SSBP3: variants seen among roughly 807,000 people sequenced by gnomAD.
SSBP3 encodes the protein single stranded DNA binding protein 3.
A neutral mutation model predicts 69.6 loss-of-function variants in SSBP3; 5 were observed. The ratio of observed to expected loss-of-function variants is 0.07; its 90% CI spans 0.04 to 0.15. The LOEUF is 0.15. SSBP3 is among the 10% of genes least tolerant of loss of function. The pLI is 1.00. For missense variants in SSBP3, 312 were observed against 534.0 expected, an observed-to-expected ratio of 0.58 and a Z score of 4.10; for synonymous variants, 196 against 193.4, an observed-to-expected ratio of 1.01 and a Z score of -0.11.
intron 4 of SSBP3, among the ~76,000 whole-genome samples, chr1:54,376,762 T>C (rs568539539): frequency 6.6e-6 from 1 of 152,318 alleles, no homozygotes; most frequent in South Asian, 2.1e-4. Flanking sequence ...AAGCAGTACT[T>C]ATTTACAAAC....
At position 54,401,846 on chromosome 1, in the gene SSBP3, A is replaced by T; in HGVS notation, c.276+15T>A. ...ACCCTATAATTATTGCTAGGATTAA[A>T]AATATGTTACTCACATAATCATGAA... On this transcript the variant is annotated intron_variant, in intron 4 of 17. Transcript: ENST00000610401. 6.2e-7 allele frequency: 1 copy of T among 1,607,498 alleles called. No individual in the cohort carries two copies. The highest frequency in any genetic ancestry group is 8.5e-7 in the Non-Finnish European group (1 of 1,174,282).
intron 14 of SSBP3, among the ~76,000 whole-genome samples, chr1:54,234,131 A>G (rs1644442947): frequency 1.3e-5 from 2 of 151,376 alleles, no homozygotes; most frequent in Middle Eastern, 3.4e-3. Flanking sequence ...GCTTTGTTAA[A>G]CAGATGCTTG....
upstream of SSBP3, among the ~76,000 whole-genome samples, chr1:54,408,622 A>G (rs990627089): frequency 2.9e-4 from 44 of 152,260 alleles, no homozygotes; most frequent in Non-Finnish European, 4.1e-4. Flanking sequence ...CAACACAAGC[A>G]TATCTATTTG....
intron 4 of SSBP3, among the ~76,000 whole-genome samples, chr1:54,374,948 G>A (rs575010376): frequency 6.6e-6 from 1 of 152,338 alleles, no homozygotes; most frequent in East Asian, 1.9e-4. Context: ...GGGGACGAGA[G>A]CATCCCGTGG....
intron 4 of SSBP3, among the ~76,000 whole-genome samples, chr1:54,342,285 ACTT>A (rs1034678447): frequency 3.4e-4 from 52 of 152,222 alleles, no homozygotes; most frequent in African/African-American, 1.2e-3. Context: ...CACTTGTTTC[ACTT>A]CTTATTTTTA....
intron 5 of SSBP3, among the ~76,000 whole-genome samples, chr1:54,262,168 C>A (rs548642125): frequency 3.9e-5 from 6 of 152,160 alleles, no homozygotes; most frequent in Non-Finnish European, 7.4e-5. Context: ...GTGAGAGTAA[C>A]AATAACAGGG....
At chr1:54,333,192 G>A (rs2100466962) in intron 4 of SSBP3, among the ~76,000 whole-genome samples, 1 of 152,290 alleles carries the variant, frequency 6.6e-6, no homozygotes, top group South Asian at 2.1e-4. Context: ...GGGTGTGCCT[G>A]GAGACCTTGC....
intron 4 of SSBP3, among the ~76,000 whole-genome samples, chr1:54,361,812 A>G (rs1275156320): frequency 6.6e-6 from 1 of 152,146 alleles, no homozygotes; most frequent in Non-Finnish European, 1.5e-5. Context: ...CCACGATGAT[A>G]CTACTGGTCA....
intron 5 of SSBP3, among the ~76,000 whole-genome samples, chr1:54,270,306 G>A (rs1378029277): frequency 6.6e-6 from 1 of 152,150 alleles, no homozygotes; most frequent in Non-Finnish European, 1.5e-5. Context: ...AAGCCCGGGA[G>A]GAAAAGAATC....
At chr1:54,300,094 G>A (rs914038559) in intron 4 of SSBP3, among the ~76,000 whole-genome samples, 1 of 152,192 alleles carries the variant, frequency 6.6e-6, no homozygotes, top group Admixed American at 6.5e-5. Context: ...GAAAATGGAA[G>A]GCCGAGAGAG....
At chr1:54,333,633 C>T (rs929340267) in intron 4 of SSBP3, among the ~76,000 whole-genome samples, 1 of 152,212 alleles carries the variant, frequency 6.6e-6, no homozygotes, top group Non-Finnish European at 1.5e-5. Context: ...AGCTCTGCCA[C>T]GTATAAGCTG....
At chr1:54,377,075 C>T (rs1406193632) in intron 4 of SSBP3, among the ~76,000 whole-genome samples, 1 of 152,216 alleles carries the variant, frequency 6.6e-6, no homozygotes, top group African/African-American at 2.4e-5. Flanking sequence ...CAGTCAAGGG[C>T]ATTTAAAACA....
intron 4 of SSBP3, among the ~76,000 whole-genome samples, chr1:54,314,373 C>T (rs1646059308): frequency 6.6e-6 from 1 of 152,202 alleles, no homozygotes; most frequent in African/African-American, 2.4e-5. Flanking sequence ...AGGACTCCTC[C>T]ACTTCACAGA....
chr1:54,306,135 T>C (rs1315599260), intron 4 of SSBP3, among the ~76,000 whole-genome samples: 1 of 152,028 alleles, frequency 6.6e-6, no homozygotes, highest in Non-Finnish European at 1.5e-5. Flanking sequence ...TTCCTCCTCC[T>C]GGACTGTAAG....
chr1:54,257,759 C>T, intron 6 of SSBP3, among the ~76,000 whole-genome samples: 1 of 152,076 alleles, frequency 6.6e-6, no homozygotes, highest in East Asian at 1.9e-4. Context: ...GCTTCGGTTA[C>T]AAACAAATGG....
intron 4 of SSBP3, among the ~76,000 whole-genome samples, chr1:54,282,053 T>TAATAATAATAA (rs1645403706): frequency 6.7e-6 from 1 of 150,260 alleles, no homozygotes; most frequent in African/African-American, 2.4e-5. Context: ...ATAATAATAA[T>TAATAATAATAA]AATAATAATA....
At chr1:54,231,292 G>A (rs1434146586) in intron 14 of SSBP3, among the ~76,000 whole-genome samples, 2 of 152,210 alleles carry the variant, frequency 1.3e-5, no homozygotes, top group Non-Finnish European at 2.9e-5. Flanking sequence ...AATGACTAAC[G>A]ATGCTGAGCA....
chr1:54,345,208 C>A (rs749593001), intron 4 of SSBP3, among the ~76,000 whole-genome samples: 1 of 152,150 alleles, frequency 6.6e-6, no homozygotes, highest in African/African-American at 2.4e-5. Flanking sequence ...TGAACCCAGC[C>A]GTTAGAAACT....
chr1:54,283,686 C>T (rs1030175980), intron 4 of SSBP3, among the ~76,000 whole-genome samples: 15 of 152,220 alleles, frequency 9.9e-5, no homozygotes, highest in Non-Finnish European at 1.9e-4. Context: ...ATTCTGCCTA[C>T]AGAAAAACAG....
Sources: allele counts gnomAD v4.1 joint callset (sites outside exome capture counted in the v4.1 genomes callset), GRCh38; gene constraint gnomAD v4.1.1; transcripts MANE v1.5; gene names NCBI Gene and HGNC (gene_info 2026-07-23, HGNC 2026-07-21).